The following SVIL variants were observed in gnomAD, a reference collection of about 807,000 sequenced individuals.
SVIL encodes supervillin.
A neutral mutation model predicts 240.4 loss-of-function variants in SVIL; 101 were observed. The observed-to-expected ratio is 0.42, with a 90% confidence interval of 0.36 to 0.50. The LOEUF is 0.50. Ranked by LOEUF, SVIL falls within the 20% of genes least tolerant of loss-of-function variation. The pLI is 0.01. For missense variants in SVIL, 2,512 were observed against 2,818.7 expected, an observed-to-expected ratio of 0.89 and a Z score of 2.46; for synonymous variants, 999 against 1,100.0, an observed-to-expected ratio of 0.91 and a Z score of 1.82.
At chr10:29,564,095 T>G (rs1954756586) in intron 2 of SVIL, among the ~76,000 whole-genome samples, 2 of 149,006 alleles carry the variant, frequency 1.3e-5, no homozygotes, top group African/African-American at 4.9e-5. Context: ...AAAAAGCACC[T>G]GCTTTGTAAT....
rs1317262968 is a variant in SVIL at position 29,722,236 on chromosome 10, A to AG, written c.-400+13514_-400+13515insC. On this transcript the variant is annotated intron_variant, in intron 1 of 35. Coordinates refer to the SVIL transcript ENST00000375400. ...AGACTCTGTCTTAAAAAAAAAAAAA[A>AG]AAAGAAAGAAAGAAAAGAAAGAAAA... 2.6e-3 allele frequency among the ~76,000 whole-genome samples: 386 copies of AG among 151,194 alleles called. 1 individual carries two copies. Among genetic ancestry groups the AG allele is most frequent in the African/African-American group, 9.1e-3 (375 of 41,114 alleles).
chr10:29,486,476 T>C lies in SVIL; in HGVS notation c.4567A>G (p.Ile1523Val), dbSNP rs1161674249. 2.5e-6 allele frequency: 4 copies of C among 1,614,122 alleles called. No individual in the cohort carries two copies. The highest frequency in any genetic ancestry group is 3.4e-6 in the Non-Finnish European group (4 of 1,180,048). The change falls in exon 25 of 38, where the codon ATT (isoleucine) becomes GTT (valine). Residue 1523 changes from isoleucine (I) to valine (V), a missense_variant. By Grantham distance (29) the Ile-to-Val change is conservative. Coordinates refer to ENST00000355867, the MANE Select transcript of SVIL (RefSeq NM_021738.3). ...TTGGCTGCATGAGTGTGTGTATTAA[T>C]TCCTTCTTCAATGGTTTGGATATAA... is the stretch of plus-strand genomic sequence containing the variant. The part of the protein sequence containing the change: ...ATYIQTIEEG[I>V]NTHTHAAKDF...
intron 1 of SVIL, among the ~76,000 whole-genome samples, chr10:29,569,681 A>T (rs1050923872): frequency 3.9e-5 from 6 of 152,234 alleles, no homozygotes; most frequent in African/African-American, 1.2e-4. Context: ...ATACTCAGGA[A>T]TAGAGGAGAA....
At chr10:29,489,230 G>T (rs1458765650) in intron 22 of SVIL, among the ~76,000 whole-genome samples, 1 of 152,206 alleles carries the variant, frequency 6.6e-6, no homozygotes, top group East Asian at 1.9e-4. Flanking sequence ...TTTATCTGAA[G>T]GCAAAGTGAT....
At chr10:29,616,708 A>C (rs1397660678) in intron 1 of SVIL, among the ~76,000 whole-genome samples, 1 of 152,152 alleles carries the variant, frequency 6.6e-6, no homozygotes, top group Non-Finnish European at 1.5e-5. Context: ...TGTACCAGGA[A>C]GGGGAAGTGC....
chr10:29,590,165 CAAAAAAAAAA>C (rs58469441), intron 1 of SVIL, among the ~76,000 whole-genome samples: 5 of 79,670 alleles, frequency 6.3e-5, no homozygotes, highest in African/African-American at 3.1e-4. Context: ...GACTCCGTCT[CAAAAAAAAAA>C]AAAAAAAAAA....
At position 29,470,334 on chromosome 10, in the gene SVIL, T is replaced by G; in HGVS notation, c.5785A>C (p.Lys1929Gln). 1 of 1,614,226 alleles carries G rather than the reference T, an allele frequency of 6.2e-7. No individual in the cohort carries two copies. The highest frequency in any genetic ancestry group is 8.5e-7 in the Non-Finnish European group (1 of 1,180,046). ...KALIYLWHGC[K>Q]AQAHTKEVGR... ...ACCTCCTTCGTGTGGGCCTGGGCTT[T>G]GCATCCGTGCCACAGGTAGATGAGG... Residue 1929 changes from lysine to glutamine, a missense_variant, in exon 32 of 38, where the codon AAA becomes CAA. Transcript: ENST00000355867.
At chr10:29,722,502 G>C (rs991769177) in intron 1 of SVIL, among the ~76,000 whole-genome samples, 2 of 152,086 alleles carry the variant, frequency 1.3e-5, no homozygotes, top group Non-Finnish European at 1.5e-5. Flanking sequence ...GAAAAAGAAC[G>C]AAAGAAAGAA....
intron 12 of SVIL, among the ~76,000 whole-genome samples, chr10:29,529,218 A>G (rs1951176700): frequency 6.7e-6 from 1 of 149,790 alleles, no homozygotes; most frequent in Non-Finnish European, 1.5e-5. Context: ...AAAAGAAAAG[A>G]GATTTCTGGC....
At chr10:29,670,569 C>T (rs1304477194) in intron 2 of SVIL, among the ~76,000 whole-genome samples, 2 of 152,176 alleles carry the variant, frequency 1.3e-5, no homozygotes, top group East Asian at 3.9e-4. Flanking sequence ...GTGTAAACAT[C>T]GTTTGTTTGA....
chr10:29,524,108 C>A, intron 14 of SVIL, 81 bp from the exon 15 acceptor site: 1 of 1,329,834 alleles, frequency 7.5e-7, no homozygotes, highest in South Asian at 1.5e-5. Flanking sequence ...TTGACAGAAG[C>A]TGAAATACTC....
At chr10:29,615,634 G>C (rs1047044548) in intron 1 of SVIL, among the ~76,000 whole-genome samples, 6 of 152,230 alleles carry the variant, frequency 3.9e-5, no homozygotes, top group Admixed American at 1.3e-4. Flanking sequence ...AAATCAAACA[G>C]GCTTTCAGCT....
chr10:29,530,884 C>T (rs1951312952), intron 10 of SVIL, among the ~76,000 whole-genome samples: 2 of 152,200 alleles, frequency 1.3e-5, no homozygotes, highest in African/African-American at 4.8e-5. Flanking sequence ...CAAACCAAAG[C>T]AAACTCTGTC....
intron 3 of SVIL, among the ~76,000 whole-genome samples, chr10:29,648,815 G>GA (rs112459712): frequency 0.22 from 31,174 of 143,292 alleles, 3,808 homozygotes; most frequent in African/African-American, 0.35. Context: ...GGACAGCTGG[G>GA]AAAAAAAAAA....
chr10:29,736,926 G>A (rs1315435689), upstream of SVIL: 1 of 152,110 alleles, frequency 6.6e-6, no homozygotes, highest in East Asian at 1.9e-4. Context: ...CCGAGAGCCG[G>A]CGCGCGAGTC....
At chr10:29,610,955 C>T (rs971462313) in intron 1 of SVIL, among the ~76,000 whole-genome samples, 11 of 152,156 alleles carry the variant, frequency 7.2e-5, no homozygotes, top group Admixed American at 4.6e-4. Context: ...ACACTGGCCC[C>T]GTAACTGTGT....
Position 29,556,598 on chromosome 10 carries a change from C to T in SVIL, c.-50-1490G>A, listed in dbSNP as rs12247203. On this transcript the variant is annotated intron_variant, in intron 3 of 37. Coordinates refer to ENST00000355867, the MANE Select transcript of SVIL (RefSeq NM_021738.3). ...AGCCGGCTTCAAAAAAACAAAACCTCTCTCCCTCTGACTTCAAAAAGGTCT... is the reference window on the plus strand; with the variant it reads ...AGCCGGCTTCAAAAAAACAAAACCTTTCTCCCTCTGACTTCAAAAAGGTCT... Among the ~76,000 whole-genome samples the T allele has an allele frequency of 6.6e-3, 1,003 of 152,300 alleles. 12 individuals are homozygous for T. The highest frequency in any genetic ancestry group is 0.023 in the African/African-American group (970 of 41,568).
At chr10:29,470,552 A>C in intron 31 of SVIL, 69 bp from the exon 32 acceptor site, 1 of 1,574,162 alleles carries the variant, frequency 6.4e-7, no homozygotes, top group South Asian at 1.1e-5. Flanking sequence ...GGCCCTTCCT[A>C]GTGTCCGCTG....
rs146688907 is a variant in SVIL, at chr10:29,465,097, G to A, written c.6133+498C>T. On this transcript the variant is annotated intron_variant, in intron 34 of 37. Transcript: ENST00000355867. ...TGGGGCTGGCCATGTGACAGGCTCC[G>A]GCCAATGGGATGTAAGCAGAAGTCT... is the stretch of plus-strand genomic sequence containing the variant. Among the ~76,000 whole-genome samples, 553 of 152,308 alleles carry A rather than the reference G, an allele frequency of 3.6e-3. 4 individuals are homozygous for A. Among genetic ancestry groups the A allele is most frequent in the African/African-American group, 0.012 (508 of 41,558 alleles).
Sources: allele counts gnomAD v4.1 joint callset (sites outside exome capture counted in the v4.1 genomes callset), GRCh38; gene constraint gnomAD v4.1.1; transcripts MANE v1.5; gene names NCBI Gene and HGNC (gene_info 2026-07-23, HGNC 2026-07-21).